Variants in RGS7 observed in about 807,000 individuals in gnomAD.
The protein encoded by RGS7 is regulator of G protein signaling 7, also known as regulator of G-protein signaling 7.
Under a neutral mutation model 81.1 loss-of-function variants are expected in RGS7, and 27 were observed. The observed-to-expected ratio is 0.33, with a 90% confidence interval of 0.25 to 0.46. RGS7 has a LOEUF of 0.46. Ranked by LOEUF, RGS7 falls within the 20% of genes least tolerant of loss-of-function variation. RGS7 has a pLI of 1.00. For synonymous variants in RGS7, 208 were observed against 207.7 expected (o/e 1.00, Z -0.01); for missense variants, 396 against 607.4 (o/e 0.65, Z 3.66).
chr1:240,804,533 T>C (rs1036667223), intron 15 of RGS7, among the ~76,000 whole-genome samples: 10 of 149,360 alleles, frequency 6.7e-5, no homozygotes, highest in African/African-American at 7.7e-5. Flanking sequence ...TTGTTTTCTA[T>C]AGAATTTTTT....
At chr1:240,787,350 A>C (rs1685241130) in intron 18 of RGS7, among the ~76,000 whole-genome samples, 1 of 152,158 alleles carries the variant, frequency 6.6e-6, no homozygotes, top group South Asian at 2.1e-4. Context: ...TCTGTCATAG[A>C]GATGCTCCTT....
intron 2 of RGS7, among the ~76,000 whole-genome samples, chr1:241,308,533 ACCC>A (rs1385527079): frequency 6.6e-6 from 1 of 152,176 alleles, no homozygotes; most frequent in Admixed American, 6.5e-5. Flanking sequence ...TACCTGAGAG[ACCC>A]AGAGAAGACT....
At chr1:241,142,126 T>C (rs2067965658) in intron 2 of RGS7, among the ~76,000 whole-genome samples, 1 of 152,212 alleles carries the variant, frequency 6.6e-6, no homozygotes, top group Non-Finnish European at 1.5e-5. Context: ...GTCCCCATGG[T>C]CTTGGGCAGC....
chr1:240,823,093 G>A (rs1692101298), intron 10 of RGS7: 1 of 879,030 alleles, frequency 1.1e-6, no homozygotes, highest in East Asian at 2.5e-5. Context: ...TGAAATAAGT[G>A]AGTCTAAAGA....
At chr1:240,800,317 C>T (rs1295167463) in intron 18 of RGS7, among the ~76,000 whole-genome samples, 1 of 152,116 alleles carries the variant, frequency 6.6e-6, no homozygotes, top group African/African-American at 2.4e-5. Context: ...CATTCTCCAT[C>T]CCTTTAATTC....
chr1:240,932,501 T>C (rs1012227283), intron 5 of RGS7, among the ~76,000 whole-genome samples: 2 of 129,110 alleles, frequency 1.5e-5, no homozygotes, highest in African/African-American at 2.9e-5. Flanking sequence ...TTTGCTTTCA[T>C]GTAGGGTGTC....
intron 2 of RGS7, among the ~76,000 whole-genome samples, chr1:241,165,797 A>AAAT (rs112552742): frequency 6.7e-6 from 1 of 148,338 alleles, no homozygotes; most frequent in East Asian, 2.0e-4. Flanking sequence ...AAAAAAAAAA[A>AAAT]AAAACCAGCC....
chr1:241,096,282 C>A (rs1196712248), intron 3 of RGS7, among the ~76,000 whole-genome samples: 1 of 152,062 alleles, frequency 6.6e-6, no homozygotes, highest in Non-Finnish European at 1.5e-5. Context: ...TAACAATCCC[C>A]ACAGATTATA....
At chr1:240,781,109 T>C (rs1224085088) in intron 18 of RGS7, among the ~76,000 whole-genome samples, 1 of 152,020 alleles carries the variant, frequency 6.6e-6, no homozygotes, top group African/African-American at 2.4e-5. Context: ...TCAAAGCTAC[T>C]AGTACTTGGC....
intron 4 of RGS7, among the ~76,000 whole-genome samples, chr1:240,961,309 T>A (rs1681389723): frequency 1.4e-5 from 1 of 69,430 alleles, no homozygotes; most frequent in African/African-American, 5.3e-5. Context: ...CTTCCTTTTT[T>A]AATCTCCTCT....
At chr1:241,213,548 T>C (rs1433729351) in intron 2 of RGS7, among the ~76,000 whole-genome samples, 1 of 152,192 alleles carries the variant, frequency 6.6e-6, no homozygotes, top group Non-Finnish European at 1.5e-5. Context: ...GTCGTTACCC[T>C]AGTGACTCTG....
At chr1:241,233,789 T>C (rs9428500) in intron 2 of RGS7, among the ~76,000 whole-genome samples, 87,179 of 151,040 alleles carry the variant, frequency 0.58, 25,397 homozygotes, top group African/African-American at 0.62. Flanking sequence ...GTAGTTCTAT[T>C]TTTTAGTTTA....
At chr1:240,784,520 C>T (rs556429135) in intron 18 of RGS7, among the ~76,000 whole-genome samples, 42 of 150,506 alleles carry the variant, frequency 2.8e-4, no homozygotes, top group Non-Finnish European at 5.1e-4. Flanking sequence ...GTGGCGGGCG[C>T]CTGTAGTCCC....
At position 240,868,983 on chromosome 1, in the gene RGS7, AATG is replaced by A; in HGVS notation, c.451-134_451-132del. The stretch of plus-strand genomic sequence containing the variant: ...AAGCCCTAAGTGTACTGTGGTTCTC[AATG>A]ATAAGTCATGCTCCCTGAATTCAGC... On this transcript the variant is annotated intron_variant, in intron 7 of 18. Transcript: ENST00000440928. This position sits in a 1 kb window ranked among gnomAD's most constrained non-coding sequence, Gnocchi z 5.1. 2.5e-6 allele frequency: 2 copies of A among 816,212 alleles called. No homozygotes were observed. The highest frequency in any genetic ancestry group is 2.8e-5 in the South Asian group (2 of 72,232). 50.6% of individuals were successfully genotyped at this position (816,212 alleles called of 1,614,324 possible). A position where few individuals can be genotyped will look rare whatever the true frequency, so the allele number is the denominator to read the frequency against.
At chr1:241,073,366 C>T (rs2062594004) in intron 3 of RGS7, among the ~76,000 whole-genome samples, 1 of 152,084 alleles carries the variant, frequency 6.6e-6, no homozygotes, top group African/African-American at 2.4e-5. Context: ...AATATGCATC[C>T]TTCTTGTATT....
chr1:241,122,890 C>A (rs1372934000), intron 2 of RGS7, among the ~76,000 whole-genome samples: 1 of 152,168 alleles, frequency 6.6e-6, no homozygotes, highest in Non-Finnish European at 1.5e-5. Flanking sequence ...ACGGTTTCTA[C>A]TGAATGTGTA....
Position 240,868,612 on chromosome 1 carries a change from G to A in RGS7, c.584C>T (p.Ala195Val). 1 of 1,614,028 alleles carries A rather than the reference G, an allele frequency of 6.2e-7. No individual in the cohort carries two copies. The highest frequency in any genetic ancestry group is 8.5e-7 in the Non-Finnish European group (1 of 1,179,982). Reference protein sequence around the residue: ...ERKILDSQERAFWDVHRPVPG... With the variant: ...ERKILDSQERVFWDVHRPVPG... The stretch of plus-strand genomic sequence containing the variant: ...CACGGGCCTGTGCACGTCCCAGAAC[G>A]CTCTCTCTTGGCTGTCAAGGATCTT... Residue 195 changes from alanine (A) to valine (V), a missense_variant, in exon 9 of 19, where the codon GCG becomes GTG. Physicochemically the swap from Ala to Val is moderately conservative, Grantham distance 64. Coordinates refer to ENST00000440928, the MANE Select transcript of RGS7 (RefSeq NM_001364886.1). The surrounding 1 kb of genome is among the most constrained non-coding windows in gnomAD (Gnocchi z 5.1).
At chr1:240,828,247 T>C (rs1226559047) in intron 9 of RGS7, among the ~76,000 whole-genome samples, 1 of 152,060 alleles carries the variant, frequency 6.6e-6, no homozygotes, top group Non-Finnish European at 1.5e-5. Flanking sequence ...TGTTCTGTTG[T>C]ACAGAAACAA....
rs948690040 is a variant in RGS7 at position 240,967,583 on chromosome 1, A to G, written c.226+15496T>C. Among the ~76,000 whole-genome samples the G allele has an allele frequency of 1.5e-3, 216 of 140,852 alleles. 1 individual carries two copies. The highest frequency in any genetic ancestry group is 5.2e-3 in the African/African-American group (187 of 36,298). 92.4% of individuals were successfully genotyped at this position (140,852 alleles called of 152,430 possible). A position where few individuals can be genotyped will look rare whatever the true frequency, so the allele number is the denominator to read the frequency against. On this transcript the variant is annotated intron_variant, in intron 4 of 18. Coordinates refer to ENST00000440928, the MANE Select transcript of RGS7 (RefSeq NM_001364886.1). ...TGCCAAGAAGTGGGGGGGGGGGGGAAAAGGCTGTAGCAAGAGTATGGGCTT... is the reference window on the plus strand; with the variant it reads ...TGCCAAGAAGTGGGGGGGGGGGGGAGAAGGCTGTAGCAAGAGTATGGGCTT...
Sources: gnomAD v4.1 joint callset for allele counts (sites outside exome capture counted in the v4.1 genomes callset) on GRCh38, gnomAD v4.1.1 for gene constraint, Gnocchi (gnomAD v3.1) non-coding constraint, MANE v1.5 for transcripts, NCBI Gene and HGNC (gene_info 2026-07-23, HGNC 2026-07-21) for gene names.